The following PROP1 variants were observed in gnomAD, a reference collection of about 807,000 sequenced individuals.
The protein encoded by PROP1 is PROP paired-like homeobox 1, also known as homeobox protein prophet of Pit-1.
Under a neutral mutation model 22.3 loss-of-function variants are expected in PROP1, and 12 were observed. The observed-to-expected ratio is 0.54, with a 90% CI of 0.34 to 0.87. The LOEUF (loss-of-function observed/expected upper bound fraction) is 0.87, where lower values mean the gene tolerates loss of function less well. PROP1 is among the 40% of genes least tolerant of loss of function. PROP1 has a pLI of 0.01. For synonymous variants in PROP1, 112 were observed against 116.7 expected, an observed-to-expected ratio of 0.96 and a Z score of 0.26; for missense variants, 278 against 295.1, an observed-to-expected ratio of 0.94 and a Z score of 0.43.
intron 2 of PROP1, among the ~76,000 whole-genome samples, chr5:177,993,801 A>G (rs896588458): frequency 6.6e-6 from 1 of 152,114 alleles, no homozygotes; most frequent in Non-Finnish European, 1.5e-5. Context: ...TCTTAACCTC[A>G]GGTGATCCAT....
At position 177,993,005 on chromosome 5, in the gene PROP1, G is replaced by A. The variant is rs140207251; in HGVS notation, c.385C>T (p.Arg129Cys). ...TGGGCCAGAGGCTGAAGCAGTGAGC[G>A]CTCTTGCTTCCGTTGCTTAGCTCTG... The part of the protein sequence containing the change: ...NRRAKQRKQE[R>C]SLLQPLAHLS... Residue 129 changes from arginine to cysteine, a missense_variant, in exon 3 of 3, where the codon CGC (arginine) becomes TGC (cysteine). Arg to Cys is a radical substitution (Grantham distance 180, BLOSUM62 -3). Transcript: ENST00000308304. 4.6e-5 allele frequency: 74 copies of A among 1,613,948 alleles called. 2 individuals carry two copies. The African/African-American group carries it at 4.9e-4, about 11-fold the overall frequency.
At chr5:177,994,359 G>A (rs780923694) in intron 1 of PROP1, 21 bp from the exon 2 acceptor site, 23 of 1,564,258 alleles carry the variant, frequency 1.5e-5, no homozygotes, top group Non-Finnish European at 1.8e-5. Flanking sequence ...AGAGAAGGGA[G>A]GGGCGGCTTC....
intron 2 of PROP1, 21 bp from the exon 3 acceptor site, chr5:177,993,068 C>A (rs748266418): frequency 1.3e-6 from 2 of 1,599,646 alleles, no homozygotes. Context: ...GTAGGAACCA[C>A]ATCAGAGCCC....
At chr5:177,994,987 A>G (rs541101494) in intron 1 of PROP1, among the ~76,000 whole-genome samples, 4 of 152,008 alleles carry the variant, frequency 2.6e-5, no homozygotes, top group Admixed American at 6.6e-5. Context: ...ACACACGACC[A>G]CCTGGGGCTC....
At chr5:177,995,652 C>T (rs540733632) in intron 1 of PROP1, among the ~76,000 whole-genome samples, 173 bp downstream of exon 1, 4 of 152,226 alleles carry the variant, frequency 2.6e-5, no homozygotes, top group Admixed American at 1.3e-4. Context: ...GTTCCCCAGT[C>T]TGTAAAGCCA....
chr5:177,995,673 C>T, intron 1 of PROP1, 152 bp downstream of exon 1: 5 of 680,932 alleles, frequency 7.3e-6, no homozygotes, highest in Admixed American at 7.0e-5. Flanking sequence ...AGGGGTGCTC[C>T]AGTCCCTTTT....
intron 1 of PROP1, among the ~76,000 whole-genome samples, chr5:177,995,621 C>A (rs1192845369): frequency 3.3e-5 from 5 of 152,208 alleles, no homozygotes; most frequent in Non-Finnish European, 7.3e-5. Context: ...TGTTCAGCCG[C>A]CCCCTCCTGC....
In PROP1 at chr5:177,996,025, C is replaced by T. The variant is rs776662095; in HGVS notation, c.-92G>A. On this transcript the variant is annotated 5_prime_UTR_variant, in exon 1 of 3. Transcript: ENST00000308304. Reference sequence around the variant, plus strand: ...CTCCACACCTGTTCCCTCCCCTTCTCCCTCTGTGTATGCCACCCTCTGGGA... The same window carrying T: ...CTCCACACCTGTTCCCTCCCCTTCTTCCTCTGTGTATGCCACCCTCTGGGA... The T allele has an allele frequency of 6.7e-5, 73 of 1,096,554 alleles. 1 individual carries two copies. Among genetic ancestry groups the T allele is most frequent in the Non-Finnish European group, 9.7e-5 (71 of 729,306 alleles). The allele number at this position is 1,096,554 out of a possible 1,614,324, so 67.9% of individuals were successfully genotyped here.
rs756147479 is a variant in PROP1, at chr5:177,994,222, A to T, written c.226T>A (p.Phe76Ile). Residue 76 changes from phenylalanine to isoleucine, a missense_variant, in exon 2 of 3, where the codon TTC (phenylalanine) becomes ATC (isoleucine). Transcript: ENST00000308304. ...PHSRRRHRTT[F>I]SPVQLEQLES... ...AGCTGTTCCAACTGCACTGGGCTGA[A>T]GGTGGTGCGGTGGCGGCGCCGGGAG... is the stretch of plus-strand genomic sequence containing the variant. 6.2e-7 allele frequency: 1 copy of T among 1,614,094 alleles called. No homozygotes were observed. Among genetic ancestry groups the T allele is most frequent in the Admixed American group, 1.7e-5 (1 of 60,022 alleles).
Position 177,996,135 on chromosome 5 carries a change from T to G in PROP1, c.-202A>C. On this transcript the variant is annotated 5_prime_UTR_variant, in exon 1 of 3. Transcript: ENST00000308304. ...TACTTTTTTTCTAATTGTTTCCTAA[T>G]TCCCCCTTCCTTGGCTTGAGTGTCA... 3.3e-6 allele frequency: 2 copies of G among 607,980 alleles called. No individual in the cohort carries two copies. Among genetic ancestry groups the G allele is most frequent in the Non-Finnish European group, 5.9e-6 (2 of 339,568 alleles). 37.7% of individuals were successfully genotyped at this position (607,980 alleles called of 1,614,324 possible). A position where few individuals can be genotyped will look rare whatever the true frequency, so the allele number is the denominator to read the frequency against.
chr5:177,993,805 GATCC>G (rs1199110003), intron 2 of PROP1, among the ~76,000 whole-genome samples: 1 of 152,112 alleles, frequency 6.6e-6, no homozygotes, highest in Non-Finnish European at 1.5e-5. Flanking sequence ...AACCTCAGGT[GATCC>G]ATCCAGCTTG....
intron 2 of PROP1, 152 bp downstream of exon 2, chr5:177,993,954 G>T: frequency 2.5e-6 from 2 of 797,156 alleles, no homozygotes; most frequent in Middle Eastern, 2.5e-4. Flanking sequence ...CAAGTGATAT[G>T]ATATTCTCAA....
chr5:177,993,636 A>G (rs1772703928), intron 2 of PROP1, among the ~76,000 whole-genome samples: 1 of 151,138 alleles, frequency 6.6e-6, no homozygotes, highest in Admixed American at 6.6e-5. Flanking sequence ...ATCTTGGCTC[A>G]CTGCAACCTC....
Position 177,992,954 on chromosome 5 carries a change from A to C in PROP1, c.436T>G (p.Phe146Val), listed in dbSNP as rs1410474087. ...AHLSPAAFSS[F>V]LPESTACPYS... is the part of the protein sequence containing the mutation. ...GGGCAAGCAGTGGACTCTGGCAAGAAGCTGGAAAAGGCGGCAGGAGACAGA... is the reference window on the plus strand; with the variant it reads ...GGGCAAGCAGTGGACTCTGGCAAGACGCTGGAAAAGGCGGCAGGAGACAGA... Residue 146 changes from phenylalanine (F) to valine (V), a missense_variant, in exon 3 of 3, where the codon TTC (phenylalanine) becomes GTC (valine). By Grantham distance (50) the Phe-to-Val change is conservative. Coordinates refer to ENST00000308304, the MANE Select transcript of PROP1 (RefSeq NM_006261.5). The C allele has an allele frequency of 6.2e-7, 1 of 1,613,914 alleles. No homozygotes were observed. Among genetic ancestry groups the C allele is most frequent in the East Asian group, 2.2e-5 (1 of 44,890 alleles).
In PROP1 at chr5:177,995,846, C is replaced by T. The variant is rs1295828458; in HGVS notation, c.88G>A (p.Gly30Arg). 1.2e-6 allele frequency: 2 copies of T among 1,613,914 alleles called. No homozygotes were observed. The highest frequency in any genetic ancestry group is 2.2e-5 in the South Asian group (2 of 91,086). The change falls in exon 1 of 3, where the codon GGG becomes AGG. Residue 30 changes from glycine (G) to arginine (R), a missense_variant. Physicochemically the swap from Gly to Arg is moderately radical, Grantham distance 125. Transcript: ENST00000308304. Reference protein sequence around the residue: ...NLLPERHPATGTPTTTVDSSA... With the variant: ...NLLPERHPATRTPTTTVDSSA... ...TCACCCACCGTGGTGGTCGGGGTCC[C>T]AGTGGCCGGGTGTCTCTCAGGCAAC...
In PROP1 at chr5:177,995,810, G is replaced by A. The variant is rs751833566; in HGVS notation, c.109+15C>T. 1.3e-5 allele frequency: 21 copies of A among 1,604,228 alleles called. No individual in the cohort carries two copies. In the East Asian group the frequency reaches 2.2e-4, roughly 17 times the overall value. ...GCCTCCTCAGGGACCCACGCACACC[G>A]GGACGGTCACTCACCCACCGTGGTG... On this transcript the variant is annotated intron_variant, in intron 1 of 2. Coordinates refer to ENST00000308304, the MANE Select transcript of PROP1 (RefSeq NM_006261.5).
rs1465073325 is a variant in PROP1, at chr5:177,992,239, AAGG to A, written c.*467_*469del. 1.3e-5 allele frequency: 2 copies of A among 151,264 alleles called. No homozygotes were observed. The highest frequency in any genetic ancestry group is 5.0e-5 in the African/African-American group (2 of 40,196). 9.4% of individuals were successfully genotyped at this position (151,264 alleles called of 1,614,324 possible). ...CAAAAAAAAAAAAAAAAAAAAAAAA[AAGG>A]TATTTCTAGGACAGAATAAACAAAA... On this transcript the variant is annotated 3_prime_UTR_variant, in exon 3 of 3. Coordinates refer to ENST00000308304, the MANE Select transcript of PROP1 (RefSeq NM_006261.5).
chr5:177,994,361 G>C (rs1045143271), intron 1 of PROP1, 23 bp from the exon 2 acceptor site: 1 of 1,559,472 alleles, frequency 6.4e-7, no homozygotes, highest in African/African-American at 1.4e-5. Flanking sequence ...AGAAGGGAGG[G>C]GCGGCTTCTG....
chr5:177,994,338 T>C lies in PROP1; in HGVS notation c.110A>G (p.Asp37Gly), dbSNP rs766772361. 3.1e-6 allele frequency: 5 copies of C among 1,589,258 alleles called. No individual in the cohort carries two copies. Among genetic ancestry groups the C allele is most frequent in the Non-Finnish European group, 4.3e-6 (5 of 1,167,122 alleles). ...CCTTCTGCAGGGTGGAGCACTCGAG[T>C]CTGAGAACGGAGAGAAGGGAGGGGC... is the stretch of plus-strand genomic sequence containing the variant. ...PATGTPTTTV[D>G]SSAPPCRRLP... Residue 37 changes from aspartate to glycine, a missense_variant and splice_region_variant, in exon 2 of 3, where the codon GAC becomes GGC. Physicochemically the swap from Asp to Gly is moderately conservative, Grantham distance 94. Coordinates refer to ENST00000308304, the MANE Select transcript of PROP1 (RefSeq NM_006261.5).
Sources: gnomAD v4.1 joint callset for allele counts (sites outside exome capture counted in the v4.1 genomes callset) on GRCh38, gnomAD v4.1.1 for gene constraint, MANE v1.5 for transcripts, NCBI Gene and HGNC (gene_info 2026-07-23, HGNC 2026-07-21) for gene names.